Variants in LARP4 observed in about 807,000 individuals in gnomAD.
LARP4 encodes la-related protein 4.
In LARP4, 29 loss-of-function variants were observed where a neutral mutation model predicts 92.9. The ratio of observed to expected loss-of-function variants is 0.31; its 90% CI spans 0.23 to 0.43. The LOEUF is 0.43. Ranked by LOEUF, LARP4 falls within the 20% of genes least tolerant of loss-of-function variation. The probability of loss-of-function intolerance (pLI) is 1.00; values close to 1 mark genes in which losing one functional copy is unlikely to be tolerated. For synonymous variants in LARP4, 279 were observed against 284.1 expected (o/e 0.98, Z 0.18); for missense variants, 732 against 860.0 (o/e 0.85, Z 1.86).
At chr12:50,432,777 T>C (rs1949846183) in intron 4 of LARP4, among the ~76,000 whole-genome samples, 1 of 150,102 alleles carries the variant, frequency 6.7e-6, no homozygotes, top group South Asian at 2.1e-4. Context: ...GGAGAATCGC[T>C]TGAACCCAGG....
At chr12:50,460,419 C>G (rs1383678597) in intron 10 of LARP4, among the ~76,000 whole-genome samples, 1 of 152,152 alleles carries the variant, frequency 6.6e-6, no homozygotes, top group Non-Finnish European at 1.5e-5. Context: ...CCTCAAACTC[C>G]TGGGCCCAAG....
intron 1 of LARP4, among the ~76,000 whole-genome samples, chr12:50,404,422 G>C (rs139856871): frequency 7.1e-4 from 108 of 152,190 alleles, no homozygotes; most frequent in African/African-American, 2.6e-3. Context: ...CAATGTGGTG[G>C]CATGTACCTG....
At chr12:50,421,559 C>T (rs577885201) in intron 1 of LARP4, among the ~76,000 whole-genome samples, 18 of 152,020 alleles carry the variant, frequency 1.2e-4, no homozygotes, top group Admixed American at 9.8e-4. Context: ...GGAGGAGAAT[C>T]GCTTGAACCC....
intron 1 of LARP4, among the ~76,000 whole-genome samples, chr12:50,411,616 A>C (rs1945913720): frequency 6.6e-6 from 1 of 151,908 alleles, no homozygotes; most frequent in African/African-American, 2.4e-5. Context: ...GATGTGAACC[A>C]CTGAGCCCAG....
rs761278563 is a variant in LARP4, at chr12:50,437,824, A to G, written c.625A>G (p.Thr209Ala). 2 of 1,578,826 alleles carry G rather than the reference A, an allele frequency of 1.3e-6. No homozygotes were observed. The highest frequency in any genetic ancestry group is 1.1e-5 in the South Asian group (1 of 90,004). ...CIVILREIPE[T>A]TPIEEVKGLF... The stretch of plus-strand genomic sequence containing the variant: ...TGTAATTCTTAGAGAGATTCCTGAA[A>G]CAACACCAATAGAGGTAAATTATTA... The change falls in exon 6 of 16, where the codon ACA becomes GCA. Residue 209 changes from threonine (T) to alanine (A), a missense_variant. By Grantham distance (58) the Thr-to-Ala change is moderately conservative (BLOSUM62 0). Around this residue, in one of 7 missense-constraint regions of LARP4, gnomAD observed 236 missense variants for 307.6 expected, o/e 0.77. Transcript: ENST00000398473.
intron 4 of LARP4, among the ~76,000 whole-genome samples, chr12:50,434,480 G>T (rs1467597213): frequency 6.7e-6 from 1 of 149,840 alleles, no homozygotes; most frequent in Non-Finnish European, 1.5e-5. Flanking sequence ...GTGCAGTGGC[G>T]TGATCTCGGC....
intron 1 of LARP4, among the ~76,000 whole-genome samples, chr12:50,409,273 T>G (rs755764810): frequency 1.1e-4 from 17 of 152,184 alleles, no homozygotes; most frequent in Non-Finnish European, 2.1e-4. Context: ...ACTTTTTGTT[T>G]AATCTCTCTG....
At chr12:50,425,484 A>G (rs1229063546) in intron 1 of LARP4, among the ~76,000 whole-genome samples, 1 of 152,208 alleles carries the variant, frequency 6.6e-6, no homozygotes, top group East Asian at 1.9e-4. Flanking sequence ...AAAAATGCTT[A>G]ATGTCAAATA....
At chr12:50,450,638 A>G (rs945022014) in intron 8 of LARP4, among the ~76,000 whole-genome samples, 1 of 152,076 alleles carries the variant, frequency 6.6e-6, no homozygotes, top group African/African-American at 2.4e-5. Flanking sequence ...AGCTGGGATT[A>G]CAGGTGTGCA....
rs757953216 is a variant in LARP4, at chr12:50,474,026, A to G, written c.1695A>G (p.Ile565Met). Residue 565 changes from isoleucine (I) to methionine (M), a missense_variant, in exon 15 of 16, where the codon ATA (isoleucine) becomes ATG (methionine). This residue lies in a region of LARP4 where 97 missense variants were observed against 85.9 expected (regional missense o/e 1.13). Coordinates refer to ENST00000398473, the MANE Select transcript of LARP4 (RefSeq NM_052879.5). Reference protein sequence around the residue: ...LSTTQQEKDLIEDSSVQKDGL... With the variant: ...LSTTQQEKDLMEDSSVQKDGL... ...CAACTCAGCAAGAAAAGGATCTAAT[A>G]GAAGATTCCTCTGTTCAGAAGGATG... 6.2e-7 allele frequency: 1 copy of G among 1,612,138 alleles called. No individual in the cohort carries two copies. The highest frequency in any genetic ancestry group is 1.1e-5 in the South Asian group (1 of 90,968).
intron 7 of LARP4, 77 bp downstream of exon 7, chr12:50,440,626 G>A (rs1951061580): frequency 3.0e-6 from 3 of 992,662 alleles, no homozygotes; most frequent in South Asian, 1.4e-5. Context: ...TTGAGAAAAT[G>A]TGTGTTTACA....
intron 1 of LARP4, among the ~76,000 whole-genome samples, chr12:50,409,935 C>A (rs7304630): frequency 6.6e-6 from 1 of 151,450 alleles, no homozygotes; most frequent in Non-Finnish European, 1.5e-5. Context: ...TGAGATTACA[C>A]ACAGGTACCA....
intron 1 of LARP4, among the ~76,000 whole-genome samples, chr12:50,419,505 C>T (rs770163424): frequency 1.3e-5 from 2 of 152,184 alleles, no homozygotes; most frequent in Non-Finnish European, 2.9e-5. Context: ...CTAGATTTTG[C>T]ACTACCTATT....
chr12:50,467,256 T>TA, intron 13 of LARP4, 136 bp downstream of exon 13: 6 of 613,768 alleles, frequency 9.8e-6, no homozygotes, highest in Non-Finnish European at 1.6e-5. Context: ...TCAGCATACT[T>TA]AGAGTGTTTT....
At chr12:50,418,213 C>T (rs1024378833) in intron 1 of LARP4, among the ~76,000 whole-genome samples, 2 of 152,088 alleles carry the variant, frequency 1.3e-5, no homozygotes, top group Non-Finnish European at 2.9e-5. Flanking sequence ...ATTGGCCAGG[C>T]TGATCTTGAA....
chr12:50,461,333 C>T lies in LARP4; in HGVS notation c.1320C>T (p.Asp440=). 3.1e-6 allele frequency: 5 copies of T among 1,613,770 alleles called. No individual in the cohort carries two copies. Among genetic ancestry groups the T allele is most frequent in the Non-Finnish European group, 4.2e-6 (5 of 1,179,940 alleles). ...CTTTGCAGGTGGAACAGAATGGGGA[C>T]TATGGTAGGGGCAGGTAAGAAAATA... The part of the protein sequence containing the change: ...TSTLQVEQNG[D]YGRGRRTLFR... Residue 440 remains aspartate, a synonymous_variant, in exon 11 of 16, where the codon GAC becomes GAT. Transcript: ENST00000398473.
At chr12:50,466,232 G>A (rs990499142) in intron 12 of LARP4, among the ~76,000 whole-genome samples, 4 of 152,134 alleles carry the variant, frequency 2.6e-5, no homozygotes, top group African/African-American at 7.2e-5. Flanking sequence ...AGGATATATA[G>A]GGTGTTAGAC....
intron 1 of LARP4, among the ~76,000 whole-genome samples, chr12:50,417,286 A>G (rs1013005303): frequency 6.6e-6 from 1 of 151,586 alleles, no homozygotes; most frequent in African/African-American, 2.4e-5. Flanking sequence ...TGAGGCAGAG[A>G]ATTGCTTGAA....
At chr12:50,426,732 G>GGTGTGTGTGTGGT (rs1565987428) in intron 1 of LARP4, among the ~76,000 whole-genome samples, 1 of 52,110 alleles carries the variant, frequency 1.9e-5, no homozygotes, top group Non-Finnish European at 3.8e-5. Context: ...TGTGTGTGTG[G>GGTGTGTGTGTGGT]TTTTTTTTTT....
Sources: allele counts gnomAD v4.1 joint callset (sites outside exome capture counted in the v4.1 genomes callset), GRCh38; gene constraint gnomAD v4.1.1; regional missense constraint gnomAD v4.1.1; transcripts MANE v1.5; gene names NCBI Gene and HGNC (gene_info 2026-07-23, HGNC 2026-07-21).